MTOR: variants seen among roughly 807,000 people sequenced by gnomAD.
The protein encoded by MTOR is serine/threonine-protein kinase mTOR.
MTOR carries 70 observed loss-of-function variants against 319.8 expected under a neutral mutation model. That is an observed-to-expected ratio of 0.22 (90% CI 0.18 to 0.27). The LOEUF (loss-of-function observed/expected upper bound fraction) is 0.27, where lower values mean the gene tolerates loss of function less well. MTOR is among the 10% of genes least tolerant of loss of function. The probability of loss-of-function intolerance (pLI) is 1.00; values close to 1 mark genes in which losing one functional copy is unlikely to be tolerated. For synonymous variants in MTOR, 1,183 were observed against 1,211.4 expected (o/e 0.98, Z 0.49); for missense variants, 1,890 against 3,274.4 (o/e 0.58, Z 10.32).
At chr1:11,155,550 G>C (rs1644289962) in intron 30 of MTOR, among the ~76,000 whole-genome samples, 1 of 152,132 alleles carries the variant, frequency 6.6e-6, no homozygotes, top group Admixed American at 6.5e-5. Flanking sequence ...TATACCTGGA[G>C]GAAAGGTACA....
At position 11,238,045 on chromosome 1, in the gene MTOR, G is replaced by A; in HGVS notation, c.2006C>T (p.Pro669Leu). 1 of 1,614,190 alleles carries A rather than the reference G, an allele frequency of 6.2e-7. No individual in the cohort carries two copies. Among genetic ancestry groups the A allele is most frequent in the Non-Finnish European group, 8.5e-7 (1 of 1,180,028 alleles). Residue 669 changes from proline to leucine, a missense_variant, in exon 13 of 58, where the codon CCT (proline) becomes CTT (leucine). By Grantham distance (98) the Pro-to-Leu change is moderately conservative (BLOSUM62 -3). Coordinates refer to ENST00000361445, the MANE Select transcript of MTOR (RefSeq NM_004958.4). Reference sequence around the variant, plus strand: ...CGCCAAGACACAGTAGCGAATGTCAGGGTCTGCAAGAGCAATGGAGCCTTT... The same window carrying A: ...CGCCAAGACACAGTAGCGAATGTCAAGGTCTGCAAGAGCAATGGAGCCTTT... ...LLVVGITDPD[P>L]DIRYCVLASL...
At chr1:11,200,153 T>C (rs961872382) in intron 26 of MTOR, among the ~76,000 whole-genome samples, 5 of 152,212 alleles carry the variant, frequency 3.3e-5, no homozygotes, top group African/African-American at 1.2e-4. Context: ...AACATAGAAG[T>C]TGGCATTAAC....
At chr1:11,223,009 A>C (rs1646719176) in intron 19 of MTOR, among the ~76,000 whole-genome samples, 1 of 151,474 alleles carries the variant, frequency 6.6e-6, no homozygotes. Flanking sequence ...ACAGTACTGT[A>C]ATCTATGAAG....
At chr1:11,138,305 AAACAAAAC>A (rs1399114251) in intron 36 of MTOR, among the ~76,000 whole-genome samples, 1 of 152,190 alleles carries the variant, frequency 6.6e-6, no homozygotes, top group Non-Finnish European at 1.5e-5. Context: ...CTGAAAAATA[AAACAAAAC>A]AACAAAAAAA....
chr1:11,214,255 C>CA (rs1479544000), intron 20 of MTOR, among the ~76,000 whole-genome samples: 6 of 152,320 alleles, frequency 3.9e-5, no homozygotes, highest in African/African-American at 1.4e-4. Context: ...TGTCCCTTCC[C>CA]AAAAATCTAT....
Position 11,210,804 on chromosome 1 carries a change from T to G in MTOR, c.3654+10A>C. On this transcript the variant is annotated intron_variant, in intron 24 of 57. Transcript: ENST00000361445. The stretch of plus-strand genomic sequence containing the variant: ...CAGGGACTTCAGAACAGAAAAGAAG[T>G]ATAGTTCACCTTGACAATTCTGCAG... The G allele has an allele frequency of 1.3e-6, 2 of 1,589,242 alleles. No individual in the cohort carries two copies. Among genetic ancestry groups the G allele is most frequent in the Non-Finnish European group, 1.7e-6 (2 of 1,159,832 alleles).
chr1:11,241,446 C>A, intron 10 of MTOR, 107 bp downstream of exon 10: 2 of 1,366,974 alleles, frequency 1.5e-6, no homozygotes, highest in Non-Finnish European at 2.0e-6. Flanking sequence ...CTATCCTGTC[C>A]ATCCAGTTGA....
At chr1:11,228,960 T>G (rs1187397214) in intron 18 of MTOR, 42 bp from the exon 19 acceptor site, 1 of 1,604,992 alleles carries the variant, frequency 6.2e-7, no homozygotes. Flanking sequence ...ACACATGGCA[T>G]GACGTGACTT....
chr1:11,170,543 C>T (rs1644780009), intron 28 of MTOR, among the ~76,000 whole-genome samples: 1 of 151,456 alleles, frequency 6.6e-6, no homozygotes, highest in Non-Finnish European at 1.5e-5. Context: ...CAGTGAGACC[C>T]CATCTCTATT....
intron 26 of MTOR, among the ~76,000 whole-genome samples, chr1:11,203,043 C>G (rs186451379): frequency 6.7e-6 from 1 of 150,340 alleles, no homozygotes; most frequent in Admixed American, 6.6e-5. Context: ...TGAAACCCCA[C>G]GTCTACTAAA....
Position 11,199,223 on chromosome 1 carries a change from A to G in MTOR, c.4253+35T>C. 2 of 1,614,084 alleles carry G rather than the reference A, an allele frequency of 1.2e-6. No homozygotes were observed. Among genetic ancestry groups the G allele is most frequent in the Non-Finnish European group, 1.7e-6 (2 of 1,179,922 alleles). On this transcript the variant is annotated intron_variant, in intron 28 of 57. Coordinates refer to ENST00000361445, the MANE Select transcript of MTOR (RefSeq NM_004958.4). The surrounding 1 kb of genome is among the most constrained non-coding windows in gnomAD (Gnocchi z 4.5). ...AGTGGGAGAAGAGAGGTCATTTTGC[A>G]TGAAGGCAGCAATTAAAAAGGGTTT...
In MTOR at chr1:11,180,270, G is replaced by C. The variant is rs145092368; in HGVS notation, c.4254-12753C>G. On this transcript the variant is annotated intron_variant, in intron 28 of 57. Coordinates refer to ENST00000361445, the MANE Select transcript of MTOR (RefSeq NM_004958.4). ...ACTGACTGCTTTTTCTTCCAGCAGA[G>C]GTACAGAAAAAGAAAAGGACCGCAT... Among the ~76,000 whole-genome samples the C allele has an allele frequency of 8.2e-3, 1,243 of 152,164 alleles. 9 individuals carry two copies. Among genetic ancestry groups the C allele is most frequent in the Non-Finnish European group, 0.013 (855 of 68,020 alleles).
intron 36 of MTOR, among the ~76,000 whole-genome samples, chr1:11,136,872 G>A (rs886084505): frequency 5.6e-5 from 8 of 142,938 alleles, no homozygotes; most frequent in African/African-American, 1.6e-4. Context: ...ACAGAGTTTC[G>A]CTCTTGTCAC....
In MTOR at chr1:11,144,656, T is replaced by C; in HGVS notation, c.4864A>G (p.Arg1622Gly). ...REIIRQIWWE[R>G]LQGCQRIVED... ...CTTTCTACCAAGCTCACCTGCAGTC[T>C]CTCCCACCAGATCTGGCGGATGATC... is the stretch of plus-strand genomic sequence containing the variant. Residue 1622 changes from arginine (R) to glycine (G), a missense_variant, in exon 34 of 58, where the codon AGA (arginine) becomes GGA (glycine). Arg to Gly is a moderately radical substitution (Grantham distance 125). Coordinates refer to ENST00000361445, the MANE Select transcript of MTOR (RefSeq NM_004958.4). The C allele has an allele frequency of 1.9e-6, 3 of 1,614,012 alleles. No homozygotes were observed. Among genetic ancestry groups the C allele is most frequent in the Non-Finnish European group, 2.5e-6 (3 of 1,179,978 alleles).
At chr1:11,232,988 T>G in intron 15 of MTOR, 1 of 874,020 alleles carries the variant, frequency 1.1e-6, no homozygotes, top group Non-Finnish European at 1.9e-6. Context: ...CTTTCAGAAT[T>G]AAGCAATTCC....
intron 14 of MTOR, 89 bp from the exon 15 acceptor site, chr1:11,233,576 A>T: frequency 2.1e-6 from 2 of 969,174 alleles, no homozygotes; most frequent in Non-Finnish European, 3.2e-6. Context: ...CCAAGAGACC[A>T]TCTCAGTCAT....
intron 36 of MTOR, among the ~76,000 whole-genome samples, chr1:11,138,381 A>T (rs1452269086): frequency 6.6e-6 from 1 of 152,254 alleles, no homozygotes; most frequent in East Asian, 1.9e-4. Flanking sequence ...TTGGTACTGC[A>T]GTAAATCCCA....
In MTOR at chr1:11,247,888, G is replaced by C. The variant is rs759337056; in HGVS notation, c.1047C>G (p.Pro349=). 8 of 1,614,062 alleles carry C rather than the reference G, an allele frequency of 5.0e-6. No homozygotes were observed. The highest frequency in any genetic ancestry group is 6.8e-6 in the Non-Finnish European group (8 of 1,180,046). The change falls in exon 7 of 58, where the codon CCC becomes CCG. Residue 349 remains proline, a synonymous_variant. Coordinates refer to ENST00000361445, the MANE Select transcript of MTOR (RefSeq NM_004958.4). ...CCACCAGGGTGGACTTAGCTGGACT[G>C]GGGGAGGTCCCAAATCCCATGAGGC... ...HQGLMGFGTS[P]SPAKSTLVES... is the part of the protein sequence containing the mutation.
intron 19 of MTOR, chr1:11,226,494 A>AT (rs1646842809): frequency 6.6e-6 from 1 of 152,222 alleles, no homozygotes; most frequent in African/African-American, 2.4e-5. Context: ...ACTGCATCTA[A>AT]TTAACATGGA....
Sources: allele counts gnomAD v4.1 joint callset (sites outside exome capture counted in the v4.1 genomes callset), GRCh38; gene constraint gnomAD v4.1.1; non-coding constraint Gnocchi (gnomAD v3.1); transcripts MANE v1.5; gene names NCBI Gene and HGNC (gene_info 2026-07-23, HGNC 2026-07-21).